The following FAT1 variants were observed in gnomAD, a reference collection of about 807,000 sequenced individuals.
FAT1 encodes the protein protocadherin Fat 1.
Under a neutral mutation model 329.8 loss-of-function variants are expected in FAT1, and 171 were observed. That is an observed-to-expected ratio of 0.52 (90% CI 0.46 to 0.59). The LOEUF is 0.59. Among genes scored for constraint, FAT1 ranks in the 20% least tolerant of loss-of-function variants. The pLI, the probability that FAT1 is intolerant of heterozygous loss-of-function variation, is 0.00. For synonymous variants in FAT1, 2,233 were observed against 2,228.6 expected, an observed-to-expected ratio of 1.00 and a Z score of -0.06; for missense variants, 5,672 against 5,774.4, an observed-to-expected ratio of 0.98 and a Z score of 0.57.
chr4:186,634,438 T>A (rs1740735239), intron 6 of FAT1, among the ~76,000 whole-genome samples: 1 of 152,030 alleles, frequency 6.6e-6, no homozygotes, highest in Non-Finnish European at 1.5e-5. Flanking sequence ...AGATATAAAA[T>A]GAAATGGGAT....
chr4:186,663,330 T>G lies in FAT1; in HGVS notation c.3549A>C (p.Pro1183=). ...TAGGATGTATTGAAAAGAATCCTTG[T>G]GGATTTCCACTTGTAATTTTGTACA... The part of the protein sequence containing the change: ...KLMYKITSGN[P]QGFFSIHPKT... Residue 1183 remains proline, a synonymous_variant, in exon 3 of 27, where the codon CCA becomes CCC. Coordinates refer to ENST00000441802, the MANE Select transcript of FAT1 (RefSeq NM_005245.4). The G allele has an allele frequency of 6.2e-7, 1 of 1,613,882 alleles. No homozygotes were observed. The highest frequency in any genetic ancestry group is 8.5e-7 in the Non-Finnish European group (1 of 1,179,790).
At chr4:186,710,819 G>C (rs1182785281) in intron 1 of FAT1, among the ~76,000 whole-genome samples, 1 of 152,150 alleles carries the variant, frequency 6.6e-6, no homozygotes, top group Non-Finnish European at 1.5e-5. Flanking sequence ...AATACATGGT[G>C]GCAGACTCTG....
intron 2 of FAT1, among the ~76,000 whole-genome samples, chr4:186,699,537 G>C (rs150959570): frequency 2.6e-5 from 4 of 152,254 alleles, no homozygotes; most frequent in Admixed American, 2.0e-4. Context: ...TGTGAAACTG[G>C]AGAACTGCCA....
At chr4:186,621,820 G>A (rs1210470159) in intron 9 of FAT1, 45 bp from the exon 10 acceptor site, 2 of 1,215,470 alleles carry the variant, frequency 1.6e-6, no homozygotes, top group South Asian at 3.1e-5. Context: ...AACACAAGGG[G>A]CAGTAGTAGT....
intron 4 of FAT1, among the ~76,000 whole-genome samples, 173 bp downstream of exon 4, chr4:186,639,549 G>A (rs1188600077): frequency 4.6e-5 from 7 of 152,138 alleles, no homozygotes; most frequent in Admixed American, 2.6e-4. Context: ...GGGGACAAGA[G>A]CTATATTCAT....
intron 4 of FAT1, among the ~76,000 whole-genome samples, chr4:186,638,953 C>T (rs531433703): frequency 4.0e-5 from 6 of 149,862 alleles, no homozygotes; most frequent in African/African-American, 7.6e-5. Context: ...CGCTTCCTGA[C>T]GACACGGCCC....
rs1738718060 is a variant in FAT1, at chr4:186,599,988, C to A, written c.12013G>T (p.Val4005Leu). Residue 4005 changes from valine to leucine, a missense_variant, in exon 22 of 27, where the codon GTA becomes TTA. Val to Leu is a conservative substitution (Grantham distance 32, BLOSUM62 1). Coordinates refer to ENST00000441802, the MANE Select transcript of FAT1 (RefSeq NM_005245.4). ...GCCGTCAGGAAGCAGCCTGGAGATA[C>A]ATCCACCGACTCTTCGATGTGTGCA... ...SYAHIEESVD[V>L]SPGCFLTATE... 2.5e-6 allele frequency: 4 copies of A among 1,614,016 alleles called. No individual in the cohort carries two copies. Among genetic ancestry groups the A allele is most frequent in the Non-Finnish European group, 3.4e-6 (4 of 1,179,894 alleles).
At chr4:186,639,593 C>T in intron 4 of FAT1, 129 bp downstream of exon 4, 1 of 620,830 alleles carries the variant, frequency 1.6e-6, no homozygotes, top group Non-Finnish European at 2.7e-6. Flanking sequence ...TTCCTAACAA[C>T]CAGTAAATAA....
intron 26 of FAT1, chr4:186,590,552 C>T (rs1237957942): frequency 4.2e-6 from 2 of 472,094 alleles, no homozygotes; most frequent in African/African-American, 2.0e-5. Flanking sequence ...GTATCTATGA[C>T]AATTCCAAAT....
chr4:186,712,923 C>G (rs114541933), intron 1 of FAT1, among the ~76,000 whole-genome samples: 1 of 102,338 alleles, frequency 9.8e-6, no homozygotes, highest in Non-Finnish European at 2.0e-5. Flanking sequence ...TGGAGCACAG[C>G]GGTTGAGGGA....
Position 186,603,675 on chromosome 4 carries a change from T to C in FAT1, c.10851A>G (p.Thr3617=). ...CGGCCACCGTCGTGAACTTCCCATC[T>C]GTTACGCTGACATTGAGAAGGTATT... is the stretch of plus-strand genomic sequence containing the variant. The part of the protein sequence containing the change: ...IGQYLLNVSV[T]DGKFTTVADI... Residue 3617 remains threonine (T), a synonymous_variant, in exon 19 of 27, where the codon ACA becomes ACG. Transcript: ENST00000441802. The C allele has an allele frequency of 6.2e-7, 1 of 1,614,046 alleles. No homozygotes were observed. Among genetic ancestry groups the C allele is most frequent in the East Asian group, 2.2e-5 (1 of 44,880 alleles).
chr4:186,707,587 G>A lies in FAT1; in HGVS notation c.2241C>T (p.Gly747=), dbSNP rs1579486063. Residue 747 remains glycine, a synonymous_variant, in exon 2 of 27, where the codon GGC becomes GGT. Transcript: ENST00000441802. ...IFMNSTDLDT[G]FNGKLVYAVS... ...CAGCATAGACCAGTTTTCCATTGAA[G>A]CCAGTGTCAAGGTCAGTGGAGTTCA... 1 of 1,613,976 alleles carries A rather than the reference G, an allele frequency of 6.2e-7. No individual in the cohort carries two copies.
chr4:186,688,662 CAAAAAAACA>C (rs1743604062), intron 2 of FAT1, among the ~76,000 whole-genome samples: 12 of 131,928 alleles, frequency 9.1e-5, no homozygotes, highest in Non-Finnish European at 1.7e-4. Flanking sequence ...CGCCCCCCCC[CAAAAAAACA>C]CACACCCTTC....
At chr4:186,602,863 T>G in intron 20 of FAT1, 40 bp downstream of exon 20, 2 of 1,571,138 alleles carry the variant, frequency 1.3e-6, no homozygotes, top group South Asian at 1.2e-5. Context: ...ATGAAACCGA[T>G]TTTTAAAAAT....
chr4:186,630,540 G>A (rs952708181), intron 7 of FAT1, among the ~76,000 whole-genome samples: 1 of 152,096 alleles, frequency 6.6e-6, no homozygotes, highest in African/African-American at 2.4e-5. Context: ...GAAGAATGGC[G>A]ACTGGAAGGT....
At chr4:186,657,159 T>G (rs6823285) in intron 3 of FAT1, among the ~76,000 whole-genome samples, 51,475 of 152,100 alleles carry the variant, frequency 0.34, 9,093 homozygotes, top group Middle Eastern at 0.42. Context: ...AATGGAAGTA[T>G]GTGTCCACAG....
At chr4:186,608,407 T>C (rs1739244346) in intron 16 of FAT1, among the ~76,000 whole-genome samples, 1 of 152,164 alleles carries the variant, frequency 6.6e-6, no homozygotes, top group Non-Finnish European at 1.5e-5. Flanking sequence ...TGTTATTTTT[T>C]ATTGTTTTTC....
In FAT1 at chr4:186,609,777, C is replaced by T. The variant is rs747949062; in HGVS notation, c.10068+24G>A. 10 of 1,536,920 alleles carry T rather than the reference C, an allele frequency of 6.5e-6. 1 individual carries two copies. In the South Asian group the frequency reaches 7.8e-5, roughly 12 times the overall value. On this transcript the variant is annotated intron_variant, in intron 15 of 26. Coordinates refer to ENST00000441802, the MANE Select transcript of FAT1 (RefSeq NM_005245.4). ...AGATCCAGAAGATACACAGTTTTCA[C>T]TGTAATGGGGAAAAAATACACACCG...
Position 186,588,484 on chromosome 4 carries a change from A to C in FAT1, c.*108T>G. ...CGCAGGATCCAGCGCAGCCATGCCC[A>C]TTCGGCTCACCAAAAAAAGCTTGGA... On this transcript the variant is annotated 3_prime_UTR_variant, in exon 27 of 27. Transcript: ENST00000441802. The C allele has an allele frequency of 7.3e-7, 1 of 1,365,362 alleles. No individual in the cohort carries two copies. The highest frequency in any genetic ancestry group is 1.5e-5 in the South Asian group (1 of 68,238). 84.6% of individuals were successfully genotyped at this position (1,365,362 alleles called of 1,614,324 possible).
Sources: allele counts gnomAD v4.1 joint callset (sites outside exome capture counted in the v4.1 genomes callset), GRCh38; gene constraint gnomAD v4.1.1; transcripts MANE v1.5; gene names NCBI Gene and HGNC (gene_info 2026-07-23, HGNC 2026-07-21).